RBM26: variants seen among roughly 807,000 people sequenced by gnomAD.
RBM26 encodes the protein RNA-binding protein 26.
A neutral mutation model predicts 123.6 loss-of-function variants in RBM26; 30 were observed. The observed-to-expected ratio is 0.24, with a 90% CI of 0.18 to 0.33. The LOEUF (loss-of-function observed/expected upper bound fraction) is 0.33, where lower values mean the gene tolerates loss of function less well. RBM26 is among the 10% of genes least tolerant of loss of function. The probability of loss-of-function intolerance (pLI) is 1.00; values close to 1 mark genes in which losing one functional copy is unlikely to be tolerated. For missense variants in RBM26, 947 were observed against 1,203.6 expected, an observed-to-expected ratio of 0.79 and a Z score of 3.15; for synonymous variants, 400 against 404.4, an observed-to-expected ratio of 0.99 and a Z score of 0.13.
intron 20 of RBM26, among the ~76,000 whole-genome samples, chr13:79,327,891 A>G (rs1157547958): frequency 2.6e-5 from 4 of 152,132 alleles, no homozygotes. Flanking sequence ...CAATATACTC[A>G]TTAACAAACG....
chr13:79,337,880 T>G (rs538453627), intron 18 of RBM26, among the ~76,000 whole-genome samples: 16 of 152,300 alleles, frequency 1.1e-4, no homozygotes, highest in African/African-American at 3.8e-4. Flanking sequence ...GTGCAAGTCT[T>G]TACCCTCATG....
chr13:79,399,111 G>A (rs1209438125), intron 1 of RBM26, among the ~76,000 whole-genome samples: 1 of 152,158 alleles, frequency 6.6e-6, no homozygotes, highest in African/African-American at 2.4e-5. Context: ...CTGAGAGAGA[G>A]GAGTCATGGT....
chr13:79,344,548 T>C, intron 15 of RBM26, 121 bp downstream of exon 15: 3 of 947,044 alleles, frequency 3.2e-6, no homozygotes, highest in Non-Finnish European at 4.7e-6. Flanking sequence ...AAAATAAACG[T>C]TCAGTGGCAG....
chr13:79,356,040 G>C (rs2073937564), intron 11 of RBM26, among the ~76,000 whole-genome samples: 1 of 152,092 alleles, frequency 6.6e-6, no homozygotes, highest in Non-Finnish European at 1.5e-5. Flanking sequence ...TAAACCACTG[G>C]TGGTGTGCAG....
chr13:79,364,829 C>T (rs2075093364), intron 9 of RBM26, among the ~76,000 whole-genome samples: 1 of 152,068 alleles, frequency 6.6e-6, no homozygotes, highest in Admixed American at 6.6e-5. Context: ...ACATGATATC[C>T]TTTGCTTAAA....
rs577836844 is a variant in RBM26 at position 79,334,907 on chromosome 13, A to G, written c.2734-477T>C. On this transcript the variant is annotated intron_variant, in intron 19 of 21. Transcript: ENST00000438737. ...TTGTTAATTAATGGGAAGAGATTCC[A>G]GGTCTCTTGATTCAAAAGTTTAACA... is the stretch of plus-strand genomic sequence containing the variant. 6.6e-5 allele frequency among the ~76,000 whole-genome samples: 10 copies of G among 152,266 alleles called. No homozygotes were observed. The South Asian group carries it at 1.9e-3, about 28-fold the overall frequency.
chr13:79,324,986 G>A (rs1023854854), intron 20 of RBM26, among the ~76,000 whole-genome samples: 3 of 151,890 alleles, frequency 2.0e-5, no homozygotes, highest in South Asian at 2.1e-4. Context: ...GGTCAACAAT[G>A]ACTATATACA....
chr13:79,360,854 CA>C (rs1176963199), intron 9 of RBM26, among the ~76,000 whole-genome samples: 1 of 152,120 alleles, frequency 6.6e-6, no homozygotes, highest in Non-Finnish European at 1.5e-5. Context: ...AAGTTTAAAA[CA>C]TGCAAACCTT....
intron 20 of RBM26, among the ~76,000 whole-genome samples, chr13:79,328,429 A>G (rs1038741234): frequency 4.0e-5 from 6 of 151,848 alleles, no homozygotes; most frequent in South Asian, 2.1e-4. Flanking sequence ...CTTAGACCAA[A>G]TAAGTTCCAC....
At chr13:79,396,982 C>T (rs1477239665) in intron 1 of RBM26, among the ~76,000 whole-genome samples, 1 of 152,112 alleles carries the variant, frequency 6.6e-6, no homozygotes, top group East Asian at 1.9e-4. Context: ...GAGTTCAGGA[C>T]CAGCCTGGCC....
chr13:79,332,505 GA>G (rs1425462164), intron 20 of RBM26, among the ~76,000 whole-genome samples: 1 of 152,030 alleles, frequency 6.6e-6, no homozygotes, highest in Admixed American at 6.6e-5. Context: ...AAAATTTTAA[GA>G]AACTTTCTGG....
intron 6 of RBM26, among the ~76,000 whole-genome samples, chr13:79,368,406 ATCAC>A (rs1463514469): frequency 1.3e-5 from 2 of 152,210 alleles, no homozygotes; most frequent in Non-Finnish European, 2.9e-5. Context: ...CAGTCCAATA[ATCAC>A]TCATTCTAAA....
intron 1 of RBM26, among the ~76,000 whole-genome samples, chr13:79,383,427 GA>G (rs765455760): frequency 5.9e-5 from 9 of 152,074 alleles, no homozygotes; most frequent in Non-Finnish European, 1.0e-4. Context: ...TACTAAGAGA[GA>G]GAATATACAT....
chr13:79,358,088 G>C (rs879898570), intron 11 of RBM26, among the ~76,000 whole-genome samples, 186 bp downstream of exon 11: 1 of 152,090 alleles, frequency 6.6e-6, no homozygotes, highest in Non-Finnish European at 1.5e-5. Context: ...TCACCAGGTT[G>C]GCCAGGCTAG....
intron 3 of RBM26, among the ~76,000 whole-genome samples, chr13:79,373,077 T>C (rs191127826): frequency 0.023 from 395 of 17,442 alleles, 21 homozygotes; most frequent in East Asian, 0.1. Context: ...ACATATTTTA[T>C]ATAATATATA....
intron 1 of RBM26, among the ~76,000 whole-genome samples, chr13:79,396,253 G>C (rs2078551778): frequency 6.6e-6 from 1 of 151,998 alleles, no homozygotes; most frequent in Non-Finnish European, 1.5e-5. Flanking sequence ...GAAAAGGACA[G>C]CAAATTAAAC....
At chr13:79,359,945 A>G (rs1252779352) in intron 9 of RBM26, among the ~76,000 whole-genome samples, 1 of 152,040 alleles carries the variant, frequency 6.6e-6, no homozygotes, top group African/African-American at 2.4e-5. Context: ...ACAATTCCTA[A>G]GTTTTAAACT....
intron 3 of RBM26, among the ~76,000 whole-genome samples, chr13:79,372,401 C>T (rs9530906): frequency 0.51 from 76,671 of 151,718 alleles, 19,770 homozygotes; most frequent in Middle Eastern, 0.6. Context: ...GTTTATATAA[C>T]GTAGAAGCAA....
intron 11 of RBM26, among the ~76,000 whole-genome samples, chr13:79,356,055 A>C (rs1323209625): frequency 6.6e-6 from 1 of 152,188 alleles, no homozygotes; most frequent in Non-Finnish European, 1.5e-5. Flanking sequence ...GTGCAGCAAT[A>C]CAGAAAAGAG....
Sources: gnomAD v4.1 joint callset for allele counts (sites outside exome capture counted in the v4.1 genomes callset) on GRCh38, gnomAD v4.1.1 for gene constraint, MANE v1.5 for transcripts, NCBI Gene and HGNC (gene_info 2026-07-23, HGNC 2026-07-21) for gene names.